Variants in BCKDHB observed in about 807,000 individuals in gnomAD.
The protein encoded by BCKDHB is 2-oxoisovalerate dehydrogenase subunit beta, mitochondrial.
Under a neutral mutation model 48.5 loss-of-function variants are expected in BCKDHB, and 41 were observed. The observed-to-expected ratio is 0.85, with a 90% confidence interval of 0.66 to 1.10. The LOEUF is 1.10. Among genes scored for constraint, BCKDHB ranks in the 50% least tolerant of loss-of-function variants. The pLI is 0.00. For missense variants in BCKDHB, 496 were observed against 494.2 expected, an observed-to-expected ratio of 1.00 and a Z score of -0.03; for synonymous variants, 201 against 174.8, an observed-to-expected ratio of 1.15 and a Z score of -1.18.
intron 1 of BCKDHB, among the ~76,000 whole-genome samples, chr6:80,111,687 A>G (rs752614065): frequency 6.6e-6 from 1 of 152,206 alleles, no homozygotes; most frequent in Non-Finnish European, 1.5e-5. Flanking sequence ...CAAAATAACT[A>G]TTCTCAGAAC....
intron 6 of BCKDHB, among the ~76,000 whole-genome samples, chr6:80,197,030 G>A (rs1179846068): frequency 6.6e-6 from 1 of 152,116 alleles, no homozygotes; most frequent in Non-Finnish European, 1.5e-5. Context: ...ATCAGCGTGT[G>A]GTGAAATAGA....
chr6:80,150,592 T>C (rs993315094), intron 3 of BCKDHB, among the ~76,000 whole-genome samples: 2 of 146,114 alleles, frequency 1.4e-5, no homozygotes, highest in African/African-American at 5.0e-5. Context: ...AGCCTTGCTC[T>C]GTCATCCAGG....
At position 80,148,280 on chromosome 6, in the gene BCKDHB, A is replaced by T. The variant is rs987262964; in HGVS notation, c.343+19051A>T. On this transcript the variant is annotated intron_variant, in intron 3 of 9. Coordinates refer to ENST00000320393, the MANE Select transcript of BCKDHB (RefSeq NM_183050.4). The stretch of plus-strand genomic sequence containing the variant: ...AAAAGTGGTCCTGACATTTTTAAGA[A>T]GTGTCCATATCTACTTTATTTCAAG... 2.0e-5 allele frequency among the ~76,000 whole-genome samples: 3 copies of T among 152,172 alleles called. No individual in the cohort carries two copies. The East Asian group carries it at 5.8e-4, about 29-fold the overall frequency.
intron 3 of BCKDHB, among the ~76,000 whole-genome samples, chr6:80,131,537 C>T (rs1770630417): frequency 6.6e-6 from 1 of 152,048 alleles, no homozygotes. Context: ...TATTTCTTTT[C>T]TTAGCAGTCA....
At chr6:80,301,951 A>C (rs1283166002) in intron 9 of BCKDHB, among the ~76,000 whole-genome samples, 4 of 152,166 alleles carry the variant, frequency 2.6e-5, no homozygotes, top group African/African-American at 9.7e-5. Context: ...TAAAATTCAT[A>C]TCTCTTTATG....
chr6:80,281,580 G>C (rs1012845544), intron 9 of BCKDHB, among the ~76,000 whole-genome samples: 1 of 152,168 alleles, frequency 6.6e-6, no homozygotes, highest in African/African-American at 2.4e-5. Context: ...GATGAATATA[G>C]ACTACCATTT....
rs368843454 is a variant in BCKDHB at position 80,136,598 on chromosome 6, TA to T, written c.343+7372del. Among the ~76,000 whole-genome samples, 265 of 152,208 alleles carry T rather than the reference TA, an allele frequency of 1.7e-3. 1 individual carries two copies. The highest frequency in any genetic ancestry group is 6.0e-3 in the African/African-American group (251 of 41,550). Reference sequence around the variant, plus strand: ...AGGTATAGGCAACAATAAAAATAGATAAATTGGACTGCATCGAAATTAAAAA... The same window carrying T: ...AGGTATAGGCAACAATAAAAATAGATAATTGGACTGCATCGAAATTAAAAA... On this transcript the variant is annotated intron_variant, in intron 3 of 9. Coordinates refer to ENST00000320393, the MANE Select transcript of BCKDHB (RefSeq NM_183050.4).
intron 7 of BCKDHB, among the ~76,000 whole-genome samples, chr6:80,201,934 G>T (rs1432617205): frequency 6.6e-6 from 1 of 152,044 alleles, no homozygotes; most frequent in Non-Finnish European, 1.5e-5. Context: ...CTTTCCTTTT[G>T]ATTTTTGGCA....
At chr6:80,408,966 A>G in the BCKDHB span, among the ~76,000 whole-genome samples, 281 of 151,820 alleles carry the variant, frequency 1.9e-3, 3 homozygotes, top group African/African-American at 6.5e-3. Flanking sequence ...TGTGATGTTA[A>G]GGTGTCAATT....
At chr6:80,223,469 T>C (rs1244131091) in intron 8 of BCKDHB, among the ~76,000 whole-genome samples, 1 of 152,224 alleles carries the variant, frequency 6.6e-6, no homozygotes, top group African/African-American at 2.4e-5. Flanking sequence ...TAATTTCTTA[T>C]GTCAGTTTTG....
chr6:80,381,255 T>C, the BCKDHB span, among the ~76,000 whole-genome samples: 1 of 151,968 alleles, frequency 6.6e-6, no homozygotes, highest in Non-Finnish European at 1.5e-5. Context: ...TCCATCAAGC[T>C]CAATGACACC....
intron 8 of BCKDHB, among the ~76,000 whole-genome samples, chr6:80,268,033 G>GT (rs1341726836): frequency 6.6e-6 from 1 of 151,974 alleles, no homozygotes; most frequent in Non-Finnish European, 1.5e-5. Flanking sequence ...GCTCAGGACT[G>GT]TTTTTTTGTT....
intron 9 of BCKDHB, among the ~76,000 whole-genome samples, chr6:80,302,368 A>G (rs1455610783): frequency 6.6e-6 from 1 of 152,174 alleles, no homozygotes; most frequent in African/African-American, 2.4e-5. Flanking sequence ...TCTAATTGAA[A>G]TATATACTAA....
At chr6:80,299,320 G>A (rs753317062) in intron 9 of BCKDHB, among the ~76,000 whole-genome samples, 8 of 152,106 alleles carry the variant, frequency 5.3e-5, no homozygotes, top group South Asian at 4.1e-4. Context: ...CCTTTGGGTC[G>A]GAGGGTCTCC....
At chr6:80,411,048 C>A in the BCKDHB span, among the ~76,000 whole-genome samples, 1 of 152,188 alleles carries the variant, frequency 6.6e-6, no homozygotes, top group Non-Finnish European at 1.5e-5. Context: ...GAATTTTCTG[C>A]TTTTCTCCTA....
At chr6:80,372,944 T>C in the BCKDHB span, among the ~76,000 whole-genome samples, 5 of 152,090 alleles carry the variant, frequency 3.3e-5, no homozygotes, top group Admixed American at 1.3e-4. Flanking sequence ...GTTTTGGTAT[T>C]AAGGTGATAC....
chr6:80,359,840 C>G, the BCKDHB span, among the ~76,000 whole-genome samples: 28 of 152,254 alleles, frequency 1.8e-4, no homozygotes, highest in African/African-American at 6.0e-4. Flanking sequence ...ATCTGCCCAC[C>G]TTGGCCTCCG....
At chr6:80,313,145 T>C (rs2322748) in intron 9 of BCKDHB, among the ~76,000 whole-genome samples, 62,091 of 151,936 alleles carry the variant, frequency 0.41, 13,686 homozygotes, top group Admixed American at 0.57. Flanking sequence ...TTCTTCCTGG[T>C]TCAGTCTTGG....
intron 6 of BCKDHB, among the ~76,000 whole-genome samples, chr6:80,199,137 G>A (rs1189845471): frequency 6.6e-6 from 1 of 152,116 alleles, no homozygotes; most frequent in East Asian, 1.9e-4. Flanking sequence ...TGGCTGCAGA[G>A]GAACCTTAGC....
Sources: allele counts gnomAD v4.1 joint callset (sites outside exome capture counted in the v4.1 genomes callset), GRCh38; gene constraint gnomAD v4.1.1; transcripts MANE v1.5; gene names NCBI Gene and HGNC (gene_info 2026-07-23, HGNC 2026-07-21).